Variants in PTPRT observed in about 807,000 individuals in gnomAD.
The protein encoded by PTPRT is protein tyrosine phosphatase receptor type T, also known as receptor-type tyrosine-protein phosphatase T.
Under a neutral mutation model 176.8 loss-of-function variants are expected in PTPRT, and 56 were observed. The ratio of observed to expected loss-of-function variants is 0.32; its 90% CI spans 0.26 to 0.40. The LOEUF (loss-of-function observed/expected upper bound fraction) is 0.40, where lower values mean the gene tolerates loss of function less well. Among genes scored for constraint, PTPRT ranks in the 10% least tolerant of loss-of-function variants. PTPRT has a pLI of 1.00. For missense variants in PTPRT, 1,540 were observed against 1,908.2 expected, an observed-to-expected ratio of 0.81 and a Z score of 3.60; for synonymous variants, 783 against 739.0, an observed-to-expected ratio of 1.06 and a Z score of -0.96.
chr20:42,094,904 G>T (rs1222861563), intron 27 of PTPRT, among the ~76,000 whole-genome samples: 1 of 152,138 alleles, frequency 6.6e-6, no homozygotes, highest in East Asian at 1.9e-4. Flanking sequence ...CTTTTGTAGA[G>T]ACAGGGTGTC....
At chr20:42,849,615 C>A (rs2078435147) in intron 2 of PTPRT, among the ~76,000 whole-genome samples, 1 of 152,168 alleles carries the variant, frequency 6.6e-6, no homozygotes, top group Admixed American at 6.5e-5. Context: ...GGCCACAACA[C>A]ACTCTGTTAG....
chr20:42,682,722 T>C (rs1158459905), intron 6 of PTPRT, among the ~76,000 whole-genome samples: 1 of 152,180 alleles, frequency 6.6e-6, no homozygotes, highest in Non-Finnish European at 1.5e-5. Context: ...GAGCCATCCA[T>C]GAGACCTGGG....
chr20:42,658,864 G>C (rs1185060719), intron 7 of PTPRT, among the ~76,000 whole-genome samples: 1 of 151,996 alleles, frequency 6.6e-6, no homozygotes, highest in Non-Finnish European at 1.5e-5. Context: ...TGAGTACATA[G>C]AAAAATATTC....
At chr20:42,388,095 T>C (rs1405595512) in intron 9 of PTPRT, among the ~76,000 whole-genome samples, 1 of 152,132 alleles carries the variant, frequency 6.6e-6, no homozygotes, top group African/African-American at 2.4e-5. Context: ...GGCCCAGGGA[T>C]GCTAACATTC....
intron 7 of PTPRT, among the ~76,000 whole-genome samples, chr20:42,648,817 G>GTTTT (rs1439201331): frequency 3.6e-5 from 4 of 109,942 alleles, no homozygotes; most frequent in African/African-American, 1.8e-4. Flanking sequence ...TTTTGGTGTC[G>GTTTT]TTGTTTTTTT....
intron 7 of PTPRT, among the ~76,000 whole-genome samples, chr20:42,674,533 G>A (rs1600587702): frequency 6.6e-6 from 1 of 152,064 alleles, no homozygotes; most frequent in Non-Finnish European, 1.5e-5. Flanking sequence ...CAAAAACCCT[G>A]GAAACTCTTA....
chr20:42,685,519 G>A (rs2075677133), intron 6 of PTPRT: 1 of 152,118 alleles, frequency 6.6e-6, no homozygotes, highest in Non-Finnish European at 1.5e-5. Flanking sequence ...ACAGCATTTA[G>A]GGAATGCTTA....
At position 42,892,258 on chromosome 20, in the gene PTPRT, G is replaced by T. The variant is rs1460573124; in HGVS notation, c.89-6326C>A. 2.0e-5 allele frequency among the ~76,000 whole-genome samples: 3 copies of T among 152,216 alleles called. No individual in the cohort carries two copies. The East Asian group carries it at 5.8e-4, about 29-fold the overall frequency. On this transcript the variant is annotated intron_variant, in intron 1 of 30. Coordinates refer to ENST00000373187, the MANE Select transcript of PTPRT (RefSeq NM_007050.6). Reference sequence around the variant, plus strand: ...CTACAGTATCTAACCCTCACCACAAGCCCTGCCATTTTGATTGTACCATTT... The same window carrying T: ...CTACAGTATCTAACCCTCACCACAATCCCTGCCATTTTGATTGTACCATTT...
intron 1 of PTPRT, among the ~76,000 whole-genome samples, chr20:43,112,618 A>C (rs529069601): frequency 1.3e-5 from 2 of 152,346 alleles, no homozygotes; most frequent in Admixed American, 1.3e-4. Flanking sequence ...TTTGGAATGA[A>C]AATAAAATCA....
At chr20:42,765,506 T>C (rs1168938050) in intron 5 of PTPRT, among the ~76,000 whole-genome samples, 4 of 152,138 alleles carry the variant, frequency 2.6e-5, no homozygotes, top group Non-Finnish European at 1.5e-5. Flanking sequence ...AAAGTGACCA[T>C]TTTTCTTTTT....
intron 6 of PTPRT, chr20:42,685,730 T>C (rs1247891043): frequency 6.6e-6 from 1 of 152,212 alleles, no homozygotes; most frequent in East Asian, 1.9e-4. Context: ...TATGAGAATA[T>C]AGGTACTATT....
chr20:42,764,986 C>T (rs763016037), intron 5 of PTPRT, among the ~76,000 whole-genome samples: 19 of 152,150 alleles, frequency 1.2e-4, no homozygotes, highest in Non-Finnish European at 1.5e-4. Flanking sequence ...CTGGGCGAAC[C>T]GGCTGCAGTA....
At chr20:42,481,826 T>G (rs2071391611) in intron 7 of PTPRT, among the ~76,000 whole-genome samples, 1 of 151,118 alleles carries the variant, frequency 6.6e-6, no homozygotes. Context: ...ATATATATGG[T>G]TATCATATGT....
At chr20:42,248,474 A>C (rs1285787610) in intron 14 of PTPRT, among the ~76,000 whole-genome samples, 1 of 152,140 alleles carries the variant, frequency 6.6e-6, no homozygotes, top group Admixed American at 6.5e-5. Flanking sequence ...CCATAAGAAA[A>C]TGGCCACCTC....
At chr20:42,134,074 C>T (rs894521045) in intron 18 of PTPRT, among the ~76,000 whole-genome samples, 1 of 152,172 alleles carries the variant, frequency 6.6e-6, no homozygotes, top group Non-Finnish European at 1.5e-5. Flanking sequence ...CACAAAGGCA[C>T]TGCAAGGAGT....
intron 16 of PTPRT, among the ~76,000 whole-genome samples, chr20:42,169,628 C>A (rs1175650750): frequency 6.6e-6 from 1 of 152,016 alleles, no homozygotes; most frequent in East Asian, 1.9e-4. Flanking sequence ...AGAGACTTCT[C>A]TTCCTTTAAA....
chr20:42,649,296 A>G (rs1485045412), intron 7 of PTPRT, among the ~76,000 whole-genome samples: 8 of 152,140 alleles, frequency 5.3e-5, no homozygotes, highest in Non-Finnish European at 1.0e-4. Flanking sequence ...CTTATTCACT[A>G]TCATGAGAAC....
At chr20:42,798,553 AAAAAG>A (rs1414453266) in intron 2 of PTPRT, among the ~76,000 whole-genome samples, 3 of 152,222 alleles carry the variant, frequency 2.0e-5, no homozygotes, top group African/African-American at 7.2e-5. Context: ...AAGTGTCAAA[AAAAAG>A]AAATCTGCTG....
intron 1 of PTPRT, among the ~76,000 whole-genome samples, chr20:43,093,967 C>G (rs891240779): frequency 2.0e-5 from 3 of 152,274 alleles, no homozygotes; most frequent in Middle Eastern, 3.4e-3. Flanking sequence ...TCAGGGAAAC[C>G]CTCCCCAAAG....
Sources: allele counts gnomAD v4.1 joint callset (sites outside exome capture counted in the v4.1 genomes callset), GRCh38; gene constraint gnomAD v4.1.1; transcripts MANE v1.5; gene names NCBI Gene and HGNC (gene_info 2026-07-23, HGNC 2026-07-21).